Variants in LHFPL3 observed in about 807,000 individuals in gnomAD.
The protein encoded by LHFPL3 is LHFPL tetraspan subfamily member 3 protein.
A neutral mutation model predicts 19.3 loss-of-function variants in LHFPL3; 5 were observed. That is an observed-to-expected ratio of 0.26 (90% CI 0.14 to 0.54). The LOEUF (loss-of-function observed/expected upper bound fraction) is 0.54. LHFPL3 is among the 20% of genes least tolerant of loss of function. The pLI is 0.94. For synonymous variants in LHFPL3, 133 were observed against 126.2 expected (o/e 1.05, Z -0.36); for missense variants, 249 against 307.4 (o/e 0.81, Z 1.42).
intron 1 of LHFPL3, among the ~76,000 whole-genome samples, chr7:104,413,116 A>G (rs1473958810): frequency 6.6e-6 from 1 of 152,258 alleles, no homozygotes; most frequent in African/African-American, 2.4e-5. Flanking sequence ...GCTTGGAAAT[A>G]TGCCAGGAAA....
At chr7:104,786,271 G>T (rs891425116) in intron 2 of LHFPL3, among the ~76,000 whole-genome samples, 1 of 152,196 alleles carries the variant, frequency 6.6e-6, no homozygotes, top group Admixed American at 6.6e-5. Context: ...AAAGCAGAGA[G>T]TGGAGTCTGT....
chr7:104,732,289 G>A (rs573366055), intron 1 of LHFPL3, among the ~76,000 whole-genome samples: 26 of 152,146 alleles, frequency 1.7e-4, no homozygotes, highest in African/African-American at 5.5e-4. Context: ...GAATAGTTTC[G>A]GAAGGCTTGG....
intron 2 of LHFPL3, among the ~76,000 whole-genome samples, chr7:104,880,660 C>A (rs1283382280): frequency 6.6e-6 from 1 of 151,046 alleles, no homozygotes; most frequent in Non-Finnish European, 1.5e-5. Flanking sequence ...ACTGTTGAGA[C>A]CTACTGCTGA....
chr7:104,625,178 C>A (rs1323649573), intron 1 of LHFPL3, among the ~76,000 whole-genome samples: 1 of 152,172 alleles, frequency 6.6e-6, no homozygotes, highest in African/African-American at 2.4e-5. Context: ...CCTGGATAGT[C>A]ATGCATTTAT....
chr7:104,814,463 G>T (rs1400859677), intron 2 of LHFPL3, among the ~76,000 whole-genome samples: 3 of 152,110 alleles, frequency 2.0e-5, no homozygotes, highest in African/African-American at 4.8e-5. Context: ...CCTCAAAGGG[G>T]AAGAAGTGCA....
chr7:104,771,194 G>GTGTT (rs896594442), intron 2 of LHFPL3, among the ~76,000 whole-genome samples: 4 of 152,134 alleles, frequency 2.6e-5, no homozygotes, highest in Non-Finnish European at 1.5e-5. Context: ...CAACAAATCA[G>GTGTT]TGTTTGTTGA....
At chr7:104,694,528 C>A (rs905600638) in intron 1 of LHFPL3, among the ~76,000 whole-genome samples, 3 of 151,886 alleles carry the variant, frequency 2.0e-5, no homozygotes, top group Non-Finnish European at 2.9e-5. Flanking sequence ...TTTTTTTATT[C>A]TTTCTCTGGG....
chr7:104,807,267 T>TACAA (rs1371430575), intron 2 of LHFPL3, among the ~76,000 whole-genome samples: 1 of 152,026 alleles, frequency 6.6e-6, no homozygotes, highest in Non-Finnish European at 1.5e-5. Flanking sequence ...GTTGGGGCGA[T>TACAA]GTTTCCACAA....
intron 2 of LHFPL3, among the ~76,000 whole-genome samples, chr7:104,782,188 G>A (rs1794725636): frequency 1.3e-5 from 2 of 152,250 alleles, no homozygotes; most frequent in Admixed American, 1.3e-4. Flanking sequence ...CCAGAAAATT[G>A]GGATTCCGTT....
chr7:104,393,443 C>T (rs1427752911), intron 1 of LHFPL3, among the ~76,000 whole-genome samples: 1 of 152,106 alleles, frequency 6.6e-6, no homozygotes, highest in African/African-American at 2.4e-5. Context: ...TCAGGCTGGG[C>T]ATGGTGGCTC....
intron 1 of LHFPL3, among the ~76,000 whole-genome samples, chr7:104,686,676 A>T (rs1340603901): frequency 2.0e-5 from 3 of 152,204 alleles, no homozygotes; most frequent in Non-Finnish European, 2.9e-5. Context: ...TCAGCTGCCA[A>T]TCACAAGTCC....
chr7:104,457,315 T>G (rs1668300827), intron 1 of LHFPL3, among the ~76,000 whole-genome samples: 1 of 140,642 alleles, frequency 7.1e-6, no homozygotes, highest in Admixed American at 7.3e-5. Flanking sequence ...TTCCCCTTCC[T>G]GTGTCCATGT....
At chr7:104,425,872 T>C (rs537265011) in intron 1 of LHFPL3, among the ~76,000 whole-genome samples, 4 of 152,200 alleles carry the variant, frequency 2.6e-5, no homozygotes, top group Admixed American at 6.5e-5. Flanking sequence ...AGTCTGTTGC[T>C]TATGAAATAG....
rs571171040 is a variant in LHFPL3, at chr7:104,365,787, C to CAAAA, written c.445+36578_445+36581dup. ...TGGGCGACAGAGCGAGACTCCGTCT[C>CAAAA]AAAAAAAAAAAAAAAAAAGAAAAGC... On this transcript the variant is annotated intron_variant, in intron 1 of 2. Coordinates refer to ENST00000424859, the MANE Select transcript of LHFPL3 (RefSeq NM_199000.3). Among the ~76,000 whole-genome samples, 29 of 49,950 alleles carry CAAAA rather than the reference C, an allele frequency of 5.8e-4. 1 individual carries two copies. The highest frequency in any genetic ancestry group is 2.1e-3 in the African/African-American group (26 of 12,132). The allele number at this position is 49,950 out of a possible 152,430, so 32.8% of individuals were successfully genotyped here. A position where few individuals can be genotyped will look rare whatever the true frequency, so the allele number is the denominator to read the frequency against.
chr7:104,561,034 G>A (rs1789985405), intron 1 of LHFPL3, among the ~76,000 whole-genome samples: 1 of 151,800 alleles, frequency 6.6e-6, no homozygotes, highest in Non-Finnish European at 1.5e-5. Context: ...TGATTGCACT[G>A]TGGTCTGAGA....
chr7:104,598,817 C>T (rs889944028), intron 1 of LHFPL3, among the ~76,000 whole-genome samples: 2 of 152,122 alleles, frequency 1.3e-5, no homozygotes, highest in Non-Finnish European at 2.9e-5. Flanking sequence ...TTCTGGTTTT[C>T]GAATCTTAAA....
intron 1 of LHFPL3, among the ~76,000 whole-genome samples, chr7:104,647,285 A>T (rs920068362): frequency 6.6e-6 from 1 of 152,138 alleles, no homozygotes; most frequent in Non-Finnish European, 1.5e-5. Flanking sequence ...ACCCCAAATA[A>T]ACTAATCTGA....
chr7:104,556,252 A>G (rs1789829291), intron 1 of LHFPL3, among the ~76,000 whole-genome samples: 1 of 152,204 alleles, frequency 6.6e-6, no homozygotes, highest in African/African-American at 2.4e-5. Context: ...CTCTGGCACC[A>G]TATTTCCCTT....
intron 1 of LHFPL3, among the ~76,000 whole-genome samples, chr7:104,687,478 C>A (rs1450398439): frequency 1.3e-5 from 2 of 152,188 alleles, no homozygotes; most frequent in Middle Eastern, 3.2e-3. Flanking sequence ...GGGGCTGGAG[C>A]CAAAAGTTCC....
Sources: allele counts gnomAD v4.1 joint callset (sites outside exome capture counted in the v4.1 genomes callset), GRCh38; gene constraint gnomAD v4.1.1; transcripts MANE v1.5; gene names NCBI Gene and HGNC (gene_info 2026-07-23, HGNC 2026-07-21).